N4BP2L1: variants seen among roughly 807,000 people sequenced by gnomAD.
N4BP2L1 encodes NEDD4 binding protein 2 like 1.
A neutral mutation model predicts 21.2 loss-of-function variants in N4BP2L1; 12 were observed. That is an observed-to-expected ratio of 0.57 (90% CI 0.36 to 0.92). N4BP2L1 has a LOEUF of 0.92. Among genes scored for constraint, N4BP2L1 ranks in the 40% least tolerant of loss-of-function variants. The probability of loss-of-function intolerance (pLI) is 0.01; values close to 1 mark genes in which losing one functional copy is unlikely to be tolerated. For synonymous variants in N4BP2L1, 104 were observed against 112.8 expected, an observed-to-expected ratio of 0.92 and a Z score of 0.49; for missense variants, 259 against 310.6, an observed-to-expected ratio of 0.83 and a Z score of 1.25.
At chr13:32,413,647 G>A (rs759446020) in intron 1 of N4BP2L1, among the ~76,000 whole-genome samples, 5 of 151,946 alleles carry the variant, frequency 3.3e-5, no homozygotes, top group South Asian at 4.2e-4. Context: ...CCCATGTACC[G>A]ATCCAATTCT....
chr13:32,403,855 C>G (rs1200380029), intron 4 of N4BP2L1: 1 of 466,648 alleles, frequency 2.1e-6, no homozygotes, highest in East Asian at 5.8e-5. Flanking sequence ...ATAATACAGA[C>G]AGAGAATATC....
In N4BP2L1 at chr13:32,407,254, ACTGCATAGGG is replaced by A; in HGVS notation, c.382_391del (p.Pro128SerfsTer26). The A allele has an allele frequency of 6.2e-7, 1 of 1,613,872 alleles. No homozygotes were observed. ...CAGAATGATACTTCTTCCTACCATG[ACTGCATAGGG>A]CTTCATTTCCCAGGCGTGGAGGTTG... On this transcript the variant is annotated frameshift_variant, in exon 3 of 5. Coordinates refer to ENST00000380130, the MANE Select transcript of N4BP2L1 (RefSeq NM_052818.3). LOFTEE classifies it high-confidence loss of function.
At chr13:32,404,082 G>A (rs1225762102) in intron 4 of N4BP2L1, 1 of 1,366,636 alleles carries the variant, frequency 7.3e-7, no homozygotes, top group Non-Finnish European at 9.9e-7. Context: ...AATGTTAAAT[G>A]CATCCTTTTA....
chr13:32,427,899 A>G lies in N4BP2L1; in HGVS notation c.179+5T>C. The stretch of plus-strand genomic sequence containing the variant: ...GTGCACCGGCGCCCAGACCGCTGTC[A>G]TTACCTGGCCAGTGTAGTTTTCCCG... On this transcript the variant is annotated splice_donor_5th_base_variant and intron_variant, in intron 1 of 4. Coordinates refer to ENST00000380130, the MANE Select transcript of N4BP2L1 (RefSeq NM_052818.3). 6.7e-7 allele frequency: 1 copy of G among 1,487,676 alleles called. No homozygotes were observed. Among genetic ancestry groups the G allele is most frequent in the Non-Finnish European group, 8.9e-7 (1 of 1,118,246 alleles). The allele number at this position is 1,487,676 out of a possible 1,614,324, so 92.2% of individuals were successfully genotyped here. A position where few individuals can be genotyped will look rare whatever the true frequency, so the allele number is the denominator to read the frequency against.
intron 1 of N4BP2L1, among the ~76,000 whole-genome samples, chr13:32,413,225 C>T (rs150798908): frequency 6.6e-6 from 1 of 152,284 alleles, no homozygotes; most frequent in East Asian, 1.9e-4. Flanking sequence ...CTCTCCTGGC[C>T]TAATGTTAGG....
intron 1 of N4BP2L1, among the ~76,000 whole-genome samples, chr13:32,423,535 G>A (rs2074599538): frequency 1.3e-5 from 2 of 152,168 alleles, no homozygotes; most frequent in African/African-American, 4.8e-5. Context: ...CCTCTATTAT[G>A]GCAATTTCAT....
chr13:32,402,992 T>C lies in N4BP2L1; in HGVS notation c.682A>G (p.Thr228Ala). The change falls in exon 5 of 5, where the codon ACA (threonine) becomes GCA (alanine). Residue 228 changes from threonine (T) to alanine (A), a missense_variant. By Grantham distance (58) the Thr-to-Ala change is moderately conservative. Coordinates refer to ENST00000380130, the MANE Select transcript of N4BP2L1 (RefSeq NM_052818.3). ...CTTCTGTGATAGGAGCTCTCATTTG[T>C]AAATCCACCGTGGGCCCTCCGGTTT... ...FPNRRAHGGF[T>A]NESSYHRRGG... 6.2e-7 allele frequency: 1 copy of C among 1,614,024 alleles called. No homozygotes were observed. The highest frequency in any genetic ancestry group is 8.5e-7 in the Non-Finnish European group (1 of 1,179,926).
At chr13:32,426,864 T>TC (rs1412308747) in intron 1 of N4BP2L1, among the ~76,000 whole-genome samples, 2 of 152,080 alleles carry the variant, frequency 1.3e-5, no homozygotes, top group African/African-American at 4.8e-5. Flanking sequence ...CACGTAGGTA[T>TC]AAACAGGAAG....
At chr13:32,407,984 A>C (rs866663473) in intron 1 of N4BP2L1, among the ~76,000 whole-genome samples, 2 of 152,228 alleles carry the variant, frequency 1.3e-5, no homozygotes. Context: ...GAGAGGCAGC[A>C]GTGTGTGTTG....
At position 32,410,933 on chromosome 13, in the gene N4BP2L1, G is replaced by C. The variant is rs1002205807; in HGVS notation, c.180-3161C>G. ...GTCTGCTACTTACAAGTTTTGTTTT[G>C]GTTTTTGAACATTTTCAGACTTGAA... is the stretch of plus-strand genomic sequence containing the variant. On this transcript the variant is annotated intron_variant, in intron 1 of 4. Coordinates refer to ENST00000380130, the MANE Select transcript of N4BP2L1 (RefSeq NM_052818.3). Among the ~76,000 whole-genome samples, 3 of 151,216 alleles carry C rather than the reference G, an allele frequency of 2.0e-5. No individual in the cohort carries two copies. The East Asian group carries it at 5.8e-4, about 29-fold the overall frequency.
intron 1 of N4BP2L1, chr13:32,416,031 T>C (rs1326601982): frequency 1.3e-5 from 2 of 152,244 alleles, no homozygotes; most frequent in East Asian, 1.9e-4. Flanking sequence ...CCTAGAACAC[T>C]GTGTGGAACA....
intron 1 of N4BP2L1, among the ~76,000 whole-genome samples, chr13:32,410,974 A>G (rs980266757): frequency 5.9e-5 from 9 of 152,112 alleles, no homozygotes; most frequent in Non-Finnish European, 7.4e-5. Flanking sequence ...CTTTTCATAT[A>G]CATACCCTTA....
At chr13:32,420,631 G>C (rs984010922) in intron 1 of N4BP2L1, 6 of 152,230 alleles carry the variant, frequency 3.9e-5, no homozygotes, top group Non-Finnish European at 7.3e-5. Context: ...TTTGGAATGA[G>C]TGGCTCTGTT....
chr13:32,406,313 T>G (rs1157169928), intron 3 of N4BP2L1: 3 of 152,122 alleles, frequency 2.0e-5, no homozygotes, highest in African/African-American at 7.2e-5. Flanking sequence ...AAAGACCAAA[T>G]AGACTTCACA....
chr13:32,410,545 A>C (rs1244984477), intron 1 of N4BP2L1, among the ~76,000 whole-genome samples: 1 of 152,242 alleles, frequency 6.6e-6, no homozygotes, highest in African/African-American at 2.4e-5. Flanking sequence ...CAGTGCTCAT[A>C]GTTTCCGTAT....
At chr13:32,426,819 A>G (rs1191355042) in intron 1 of N4BP2L1, among the ~76,000 whole-genome samples, 3 of 152,188 alleles carry the variant, frequency 2.0e-5, no homozygotes, top group African/African-American at 4.8e-5. Flanking sequence ...TTACAGAAGG[A>G]TAAGAAAAAC....
At chr13:32,411,753 C>A in intron 1 of N4BP2L1, 1 of 979,974 alleles carries the variant, frequency 1.0e-6, no homozygotes, top group Non-Finnish European at 1.2e-6. Context: ...ACAACTTATT[C>A]TTTTGTGTAA....
At chr13:32,423,212 T>C (rs2074579270) in intron 1 of N4BP2L1, among the ~76,000 whole-genome samples, 1 of 152,230 alleles carries the variant, frequency 6.6e-6, no homozygotes, top group Admixed American at 6.5e-5. Context: ...TGCAAGGCTC[T>C]ATAATGAAAA....
chr13:32,413,473 TTTGTGTACTTCTGA>T (rs1264521612), intron 1 of N4BP2L1, among the ~76,000 whole-genome samples: 7 of 152,200 alleles, frequency 4.6e-5, no homozygotes, highest in Non-Finnish European at 1.0e-4. Flanking sequence ...AGAGGTGATG[TTTGTGTACTTCTGA>T]TTGCACATAA....
Sources: gnomAD v4.1 joint callset for allele counts (sites outside exome capture counted in the v4.1 genomes callset) on GRCh38, gnomAD v4.1.1 for gene constraint, MANE v1.5 for transcripts, NCBI Gene and HGNC (gene_info 2026-07-23, HGNC 2026-07-21) for gene names.